Variants in NCKAP5 observed in about 807,000 individuals in gnomAD.
NCKAP5 encodes the protein NCK associated protein 5.
In NCKAP5, 92 loss-of-function variants were observed where a neutral mutation model predicts 167.0. That is an observed-to-expected ratio of 0.55 (90% CI 0.47 to 0.66). The LOEUF (loss-of-function observed/expected upper bound fraction) is 0.66, where lower values mean the gene tolerates loss of function less well. Ranked by LOEUF, NCKAP5 falls within the 30% of genes least tolerant of loss-of-function variation. The pLI is 0.00. For missense variants in NCKAP5, 2,378 were observed against 2,315.0 expected, an observed-to-expected ratio of 1.03 and a Z score of -0.56; for synonymous variants, 891 against 877.4, an observed-to-expected ratio of 1.02 and a Z score of -0.27.
chr2:132,982,734 G>T (rs2077178355), intron 7 of NCKAP5, among the ~76,000 whole-genome samples: 1 of 152,088 alleles, frequency 6.6e-6, no homozygotes, highest in South Asian at 2.1e-4. Context: ...CCATTGTTTA[G>T]CTCCTTCTTA....
chr2:133,230,589 C>T (rs80221297), intron 4 of NCKAP5, among the ~76,000 whole-genome samples: 2,368 of 152,272 alleles, frequency 0.016, 56 homozygotes, highest in South Asian at 0.057. Flanking sequence ...CTCTTCAATG[C>T]TCCCTTCTTG....
At chr2:133,139,056 T>TG (rs2082902544) in intron 5 of NCKAP5, among the ~76,000 whole-genome samples, 1 of 152,176 alleles carries the variant, frequency 6.6e-6, no homozygotes, top group Non-Finnish European at 1.5e-5. Flanking sequence ...CTCATGGATC[T>TG]CTCTCTACAT....
chr2:132,925,635 T>C (rs1279381571), intron 8 of NCKAP5, among the ~76,000 whole-genome samples: 2 of 150,962 alleles, frequency 1.3e-5, no homozygotes, highest in African/African-American at 2.4e-5. Context: ...CAGGCAGTAA[T>C]GCTCTCTCAC....
intron 4 of NCKAP5, among the ~76,000 whole-genome samples, chr2:133,281,853 A>G (rs946980703): frequency 2.0e-5 from 3 of 152,216 alleles, no homozygotes; most frequent in East Asian, 3.8e-4. Context: ...AGAAACCACC[A>G]TCTTGAGAGC....
At chr2:133,261,296 A>C (rs1046671403) in intron 4 of NCKAP5, among the ~76,000 whole-genome samples, 1 of 152,174 alleles carries the variant, frequency 6.6e-6, no homozygotes, top group South Asian at 2.1e-4. Context: ...AAAACCACCC[A>C]AGGTAGGCTT....
intron 7 of NCKAP5, among the ~76,000 whole-genome samples, chr2:132,971,171 A>G (rs2076824032): frequency 6.6e-6 from 1 of 152,250 alleles, no homozygotes; most frequent in Non-Finnish European, 1.5e-5. Context: ...AGGAGCAAAC[A>G]TAAAATAGCA....
At chr2:132,756,483 A>G (rs1465398917) in intron 16 of NCKAP5, among the ~76,000 whole-genome samples, 1 of 152,124 alleles carries the variant, frequency 6.6e-6, no homozygotes, top group Non-Finnish European at 1.5e-5. Context: ...ACCCAAAACT[A>G]TGCTTTTGAT....
chr2:133,173,029 G>A (rs1237027327), intron 5 of NCKAP5, among the ~76,000 whole-genome samples: 1 of 152,068 alleles, frequency 6.6e-6, no homozygotes, highest in Non-Finnish European at 1.5e-5. Flanking sequence ...GCAATGCACT[G>A]TGCTGTCAGG....
At chr2:132,942,587 C>T (rs1270204825) in intron 8 of NCKAP5, among the ~76,000 whole-genome samples, 5 of 152,068 alleles carry the variant, frequency 3.3e-5, no homozygotes, top group Admixed American at 3.3e-4. Flanking sequence ...TAATTTAGAC[C>T]TGAAAATTCT....
chr2:133,523,094 C>T (rs554335928), intron 2 of NCKAP5, among the ~76,000 whole-genome samples: 4 of 144,962 alleles, frequency 2.8e-5, no homozygotes, highest in Non-Finnish European at 6.0e-5. Flanking sequence ...TCTAAGTTGG[C>T]CTTAATAACT....
intron 8 of NCKAP5, among the ~76,000 whole-genome samples, chr2:132,948,264 C>T (rs72994852): frequency 0.024 from 3,703 of 152,118 alleles, 149 homozygotes; most frequent in African/African-American, 0.083. Context: ...TTATGAATGG[C>T]TGGTTAGGGG....
intron 6 of NCKAP5, among the ~76,000 whole-genome samples, chr2:133,089,964 C>T (rs539494792): frequency 6.6e-6 from 1 of 152,254 alleles, no homozygotes; most frequent in East Asian, 1.9e-4. Flanking sequence ...TCCCCTATAG[C>T]TTAGAATCTT....
At chr2:133,647,749 GA>G in the NCKAP5 span, among the ~76,000 whole-genome samples, 2 of 139,160 alleles carry the variant, frequency 1.4e-5, no homozygotes, top group Non-Finnish European at 3.1e-5. Flanking sequence ...AGGAAGGAAG[GA>G]AAGAAAAGAA....
chr2:132,762,626 G>A (rs1312536197), intron 16 of NCKAP5, among the ~76,000 whole-genome samples: 2 of 152,034 alleles, frequency 1.3e-5, no homozygotes, highest in Non-Finnish European at 2.9e-5. Context: ...CACCTCGTAG[G>A]GCTGCAGGTC....
chr2:132,751,597 A>G (rs1187371236), intron 16 of NCKAP5, among the ~76,000 whole-genome samples: 1 of 152,168 alleles, frequency 6.6e-6, no homozygotes, highest in Non-Finnish European at 1.5e-5. Context: ...ACATGCCTAC[A>G]GCCTGTTCTC....
At chr2:133,106,690 G>A (rs1365736715) in intron 6 of NCKAP5, among the ~76,000 whole-genome samples, 2 of 152,182 alleles carry the variant, frequency 1.3e-5, no homozygotes, top group African/African-American at 4.8e-5. Context: ...TGTAAAAACA[G>A]CAGTTTTTAA....
chr2:133,371,569 T>C (rs1574821534), intron 3 of NCKAP5, among the ~76,000 whole-genome samples: 2 of 152,236 alleles, frequency 1.3e-5, no homozygotes, highest in East Asian at 3.8e-4. Flanking sequence ...TCACAGTGTC[T>C]GGCACAGAGT....
At chr2:132,969,101 A>G (rs545451732) in intron 7 of NCKAP5, among the ~76,000 whole-genome samples, 1 of 152,166 alleles carries the variant, frequency 6.6e-6, no homozygotes, top group Admixed American at 6.5e-5. Context: ...GCAGTGGTGC[A>G]ATCTCGGCTC....
chr2:133,164,845 T>C (rs2083936762), intron 5 of NCKAP5, among the ~76,000 whole-genome samples: 1 of 152,168 alleles, frequency 6.6e-6, no homozygotes, highest in Non-Finnish European at 1.5e-5. Flanking sequence ...CTTGGGAAAA[T>C]ATTTAACATG....
Sources: gnomAD v4.1 joint callset for allele counts (sites outside exome capture counted in the v4.1 genomes callset) on GRCh38, gnomAD v4.1.1 for gene constraint, MANE v1.5 for transcripts, NCBI Gene and HGNC (gene_info 2026-07-23, HGNC 2026-07-21) for gene names.